The following MCUR1 variants were observed in gnomAD, a reference collection of about 807,000 sequenced individuals.
The protein encoded by MCUR1 is mitochondrial calcium uniporter regulator 1.
A neutral mutation model predicts 42.0 loss-of-function variants in MCUR1; 37 were observed. That is an observed-to-expected ratio of 0.88 (90% CI 0.68 to 1.16). The LOEUF (loss-of-function observed/expected upper bound fraction) is 1.16, where lower values mean the gene tolerates loss of function less well. MCUR1 is among the 50% of genes most tolerant of loss of function. The pLI is 0.00. For missense variants in MCUR1, 469 were observed against 468.4 expected (o/e 1.00, Z -0.01); for synonymous variants, 229 against 196.2 (o/e 1.17, Z -1.40).
rs750138354 is a variant in MCUR1, at chr6:13,814,207, C to G, written c.223G>C (p.Val75Leu). ...RASPLLLLLL[V>L]PSPRLAAAAP... is the part of the protein sequence containing the mutation. ...GCGGCGGCCAAGCGCGGGGAGGGCA[C>G]TAGCAGGAGGAGGAGCAGCGGTGAG... The change falls in exon 1 of 9, where the codon GTG (valine) becomes CTG (leucine). Residue 75 changes from valine to leucine, a missense_variant. Transcript: ENST00000379170. 9.0e-6 allele frequency: 13 copies of G among 1,439,522 alleles called. No individual in the cohort carries two copies. The South Asian group carries it at 1.1e-4, about 12-fold the overall frequency. The allele number at this position is 1,439,522 out of a possible 1,614,324, so 89.2% of individuals were successfully genotyped here. A position where few individuals can be genotyped will look rare whatever the true frequency, so the allele number is the denominator to read the frequency against.
At chr6:13,806,287 A>G (rs563110082) in intron 2 of MCUR1, among the ~76,000 whole-genome samples, 1 of 152,270 alleles carries the variant, frequency 6.6e-6, no homozygotes, top group East Asian at 1.9e-4. Flanking sequence ...AGAAAAAAGA[A>G]CAGTAAGTTG....
At chr6:13,793,600 G>T (rs1275364839) in intron 7 of MCUR1, among the ~76,000 whole-genome samples, 1 of 152,202 alleles carries the variant, frequency 6.6e-6, no homozygotes, top group African/African-American at 2.4e-5. Context: ...CCAGAGGCTG[G>T]AAAAGGGAAT....
intron 7 of MCUR1, 150 bp downstream of exon 7, chr6:13,793,744 T>G: frequency 3.0e-6 from 2 of 658,796 alleles, no homozygotes; most frequent in Non-Finnish European, 5.2e-6. Context: ...AGATCCTAAT[T>G]TTTATGTTGT....
intron 6 of MCUR1, among the ~76,000 whole-genome samples, chr6:13,794,316 C>T (rs978138113): frequency 6.6e-6 from 1 of 152,124 alleles, no homozygotes; most frequent in Non-Finnish European, 1.5e-5. Context: ...TCTGTCACTT[C>T]TCCCTGCATA....
At position 13,806,907 on chromosome 6, in the gene MCUR1, C is replaced by T. The variant is rs200288176; in HGVS notation, c.535+18G>A. Reference sequence around the variant, plus strand: ...AGTGTTTTTCTAAGGCACTAAATGACGAATGACAGAGGATTACCATTGTCT... The same window carrying T: ...AGTGTTTTTCTAAGGCACTAAATGATGAATGACAGAGGATTACCATTGTCT... On this transcript the variant is annotated intron_variant, in intron 2 of 8. Coordinates refer to ENST00000379170, the MANE Select transcript of MCUR1 (RefSeq NM_001031713.4). 8.2e-5 allele frequency: 129 copies of T among 1,569,826 alleles called. No individual in the cohort carries two copies. The African/African-American group carries it at 1.2e-3, about 14-fold the overall frequency.
chr6:13,803,247 G>T (rs899994736), intron 2 of MCUR1, among the ~76,000 whole-genome samples: 7 of 152,208 alleles, frequency 4.6e-5, no homozygotes, highest in South Asian at 4.1e-4. Flanking sequence ...TTTCAGTAGA[G>T]ATGAAGTTTC....
rs1481424306 is a variant in MCUR1 at position 13,789,003 on chromosome 6, C to CA, written c.*1805dup. The CA allele has an allele frequency of 6.6e-6, 1 of 152,156 alleles. No individual in the cohort carries two copies. The highest frequency in any genetic ancestry group is 1.5e-5 in the Non-Finnish European group (1 of 68,038). 9.4% of individuals were successfully genotyped at this position (152,156 alleles called of 1,614,324 possible). On this transcript the variant is annotated 3_prime_UTR_variant, in exon 9 of 9. Coordinates refer to ENST00000379170, the MANE Select transcript of MCUR1 (RefSeq NM_001031713.4). Reference sequence around the variant, plus strand: ...CGAGCAATGTATTCACCAAACTGATCAAAAAATCTGCCTGTGGTTCCTTCA... The same window carrying CA: ...CGAGCAATGTATTCACCAAACTGATCAAAAAAATCTGCCTGTGGTTCCTTCA...
At chr6:13,799,875 C>T (rs545618394) in intron 5 of MCUR1, among the ~76,000 whole-genome samples, 29 of 140,534 alleles carry the variant, frequency 2.1e-4, no homozygotes, top group African/African-American at 7.1e-4. Context: ...CTTGTTACCA[C>T]GGCTGGAGTG....
At position 13,809,026 on chromosome 6, in the gene MCUR1, G is replaced by C. The variant is rs545343957; in HGVS notation, c.416-1982C>G. On this transcript the variant is annotated intron_variant, in intron 1 of 8. Transcript: ENST00000379170. The stretch of plus-strand genomic sequence containing the variant: ...TGCAAGCATAGCTCACTACAGACTC[G>C]ACCTCAGCCTCCCAAGGTGTGGGTT... 3.3e-5 allele frequency among the ~76,000 whole-genome samples: 5 copies of C among 152,136 alleles called. No individual in the cohort carries two copies. The East Asian group carries it at 5.8e-4, about 18-fold the overall frequency.
chr6:13,795,143 A>G (rs1759827716), intron 6 of MCUR1, among the ~76,000 whole-genome samples: 1 of 151,996 alleles, frequency 6.6e-6, no homozygotes, highest in Non-Finnish European at 1.5e-5. Context: ...AAAGAAAAAA[A>G]AGAGAAAGAG....
At chr6:13,811,866 T>C (rs1462014524) in intron 1 of MCUR1, among the ~76,000 whole-genome samples, 1 of 149,484 alleles carries the variant, frequency 6.7e-6, no homozygotes, top group East Asian at 1.9e-4. Flanking sequence ...ACAGTTTTTT[T>C]GTTATTGTTG....
chr6:13,802,333 T>G lies in MCUR1; in HGVS notation c.549A>C (p.Gln183His). ...ATGCAGACACAATGATTTCTGCTTGTTGAGTAGCAAACCCTAAGCAAGCAC... is the reference window on the plus strand; with the variant it reads ...ATGCAGACACAATGATTTCTGCTTGGTGAGTAGCAAACCCTAAGCAAGCAC... ...CLLEDNGFAT[Q>H]QAEIIVSALV... The change falls in exon 3 of 9, where the codon CAA becomes CAC. Residue 183 changes from glutamine (Q) to histidine (H), a missense_variant. Gln to His is a conservative substitution (Grantham distance 24). Transcript: ENST00000379170. The G allele has an allele frequency of 6.2e-7, 1 of 1,613,496 alleles. No homozygotes were observed. The highest frequency in any genetic ancestry group is 8.5e-7 in the Non-Finnish European group (1 of 1,179,560).
At position 13,786,621 on chromosome 6, in the gene MCUR1, A is replaced by G. The variant is rs1482203875; in HGVS notation, c.*4188T>C. On this transcript the variant is annotated 3_prime_UTR_variant, in exon 9 of 9. Coordinates refer to ENST00000379170, the MANE Select transcript of MCUR1 (RefSeq NM_001031713.4). ...TTTCAAGTATTAGATTTACTTAGAA[A>G]TTCACCAGTGTTATCATTATACAAT... The G allele has an allele frequency of 1.3e-5, 2 of 152,194 alleles. No homozygotes were observed. The highest frequency in any genetic ancestry group is 2.9e-5 in the Non-Finnish European group (2 of 68,030). 9.4% of individuals were successfully genotyped at this position (152,194 alleles called of 1,614,324 possible).
chr6:13,793,942 T>C lies in MCUR1; in HGVS notation c.861A>G (p.Ser287=). Residue 287 remains serine (S), a synonymous_variant, in exon 7 of 9, where the codon TCA becomes TCG. Transcript: ENST00000379170. ...ATTCCAGCAGCTTCTTTTCGTTCAA[T>C]GAATACTGAAATAAACACGTAACAT... ...LEKSRVKELY[S]LNEKKLLELR... is the part of the protein sequence containing the mutation. 6.2e-7 allele frequency: 1 copy of C among 1,613,622 alleles called. No individual in the cohort carries two copies. The highest frequency in any genetic ancestry group is 8.5e-7 in the Non-Finnish European group (1 of 1,179,910).
rs1006102495 is a variant in MCUR1 at position 13,795,136 on chromosome 6, GA to G, written c.856-1190del. 3.4e-3 allele frequency among the ~76,000 whole-genome samples: 499 copies of G among 146,118 alleles called. 3 individuals carry two copies. Among genetic ancestry groups the G allele is most frequent in the African/African-American group, 0.012 (469 of 39,992 alleles). On this transcript the variant is annotated intron_variant, in intron 6 of 8. Coordinates refer to ENST00000379170, the MANE Select transcript of MCUR1 (RefSeq NM_001031713.4). ...AGCTTAGAAGTAGAAAAAAAAAAAA[GA>G]AAAAAAAGAGAAAGAGAAACAAAAA...
intron 1 of MCUR1, among the ~76,000 whole-genome samples, chr6:13,809,820 C>T (rs889995652): frequency 1.3e-5 from 2 of 151,860 alleles, no homozygotes; most frequent in Non-Finnish European, 2.9e-5. Context: ...AGGAGGATGG[C>T]TTGAGCCCAG....
chr6:13,788,731 A>G lies in MCUR1; in HGVS notation c.*2078T>C, dbSNP rs891296430. ...TGAAAGGGGGATGATATATTGATAA[A>G]ATATTTTATTAATCAGTTAAGAATT... On this transcript the variant is annotated 3_prime_UTR_variant, in exon 9 of 9. Transcript: ENST00000379170. 9 of 152,224 alleles carry G rather than the reference A, an allele frequency of 5.9e-5. No individual in the cohort carries two copies. The highest frequency in any genetic ancestry group is 1.2e-4 in the Non-Finnish European group (8 of 68,040). The allele number at this position is 152,224 out of a possible 1,614,324, so 9.4% of individuals were successfully genotyped here.
intron 1 of MCUR1, among the ~76,000 whole-genome samples, chr6:13,808,582 C>A (rs1247813685): frequency 1.3e-5 from 2 of 151,926 alleles, no homozygotes; most frequent in Non-Finnish European, 2.9e-5. Flanking sequence ...ACCTAAGAAA[C>A]CACTAGGTAA....
intron 1 of MCUR1, among the ~76,000 whole-genome samples, chr6:13,812,581 T>G (rs1452793264): frequency 6.6e-6 from 1 of 152,176 alleles, no homozygotes; most frequent in Non-Finnish European, 1.5e-5. Flanking sequence ...CATCTCCGAC[T>G]CCTAATTACT....
Sources: gnomAD v4.1 joint callset for allele counts (sites outside exome capture counted in the v4.1 genomes callset) on GRCh38, gnomAD v4.1.1 for gene constraint, MANE v1.5 for transcripts, NCBI Gene and HGNC (gene_info 2026-07-23, HGNC 2026-07-21) for gene names.